TLR1: variants seen among roughly 807,000 people sequenced by gnomAD.
TLR1 encodes toll like receptor 1, also known as toll-like receptor 1.
Under a neutral mutation model 20.2 loss-of-function variants are expected in TLR1, and 19 were observed. The ratio of observed to expected loss-of-function variants is 0.94; its 90% CI spans 0.66 to 1.38. The LOEUF (loss-of-function observed/expected upper bound fraction) is 1.38, where lower values mean the gene tolerates loss of function less well. TLR1 is among the 40% of genes most tolerant of loss of function. The pLI is 0.00. For synonymous variants in TLR1, 320 were observed against 334.5 expected (o/e 0.96, Z 0.47); for missense variants, 921 against 910.0 (o/e 1.01, Z -0.16).
chr4:38,804,809 C>A (rs1017728706), upstream of TLR1: 3 of 147,212 alleles, frequency 2.0e-5, no homozygotes, highest in African/African-American at 7.3e-5. Flanking sequence ...TCAAGCACTT[C>A]CTTGAATTTA....
intron 2 of TLR1, among the ~76,000 whole-genome samples, 180 bp downstream of exon 2, chr4:38,804,126 T>C (rs1726863915): frequency 6.6e-6 from 1 of 152,246 alleles, no homozygotes; most frequent in South Asian, 2.1e-4. Flanking sequence ...TTGTGAACTC[T>C]TGCTTTGTTA....
chr4:38,788,817 G>C (rs920952217), downstream of TLR1, among the ~76,000 whole-genome samples: 2 of 152,092 alleles, frequency 1.3e-5, no homozygotes, highest in Admixed American at 1.3e-4. Flanking sequence ...GGCCAGCCTG[G>C]GCAACATAGC....
rs1487769212 is a variant in TLR1 at position 38,798,813 on chromosome 4, A to C, written c.19T>G (p.Phe7Val). ...AGTATTAACATGAAGATAATGGCAA[A>C]ATGGAAGATGCTAGTCATTTTGGAA... Reference protein sequence around the residue: MTSIFHFAIIFMLILQI... With the variant: MTSIFHVAIIFMLILQI... Residue 7 changes from phenylalanine (F) to valine (V), a missense_variant, in exon 4 of 4, where the codon TTT (phenylalanine) becomes GTT (valine). Coordinates refer to ENST00000308979, the MANE Select transcript of TLR1 (RefSeq NM_003263.4). The C allele has an allele frequency of 1.9e-6, 3 of 1,598,044 alleles. No homozygotes were observed. The highest frequency in any genetic ancestry group is 2.2e-5 in the East Asian group (1 of 44,662).
At chr4:38,805,526 C>G (rs1726958147), upstream of TLR1, 1 of 152,166 alleles carries the variant, frequency 6.6e-6, no homozygotes, top group Non-Finnish European at 1.5e-5. Flanking sequence ...CTTGCCTTTT[C>G]CAGTAATGAC....
chr4:38,800,338 T>A (rs1449643868), intron 3 of TLR1: 1 of 152,200 alleles, frequency 6.6e-6, no homozygotes, highest in Non-Finnish European at 1.5e-5. Flanking sequence ...ATTCCAAAAA[T>A]GATGAGAGGG....
In TLR1 at chr4:38,796,326, A is replaced by T; in HGVS notation, c.*145T>A. ...TTTTAATACCACATATAAATGGTGA[A>T]CTGCGACCCGAAGGTATATATTTTT... On this transcript the variant is annotated 3_prime_UTR_variant, in exon 4 of 4. Transcript: ENST00000308979. 1.2e-6 allele frequency: 1 copy of T among 846,502 alleles called. No homozygotes were observed. The highest frequency in any genetic ancestry group is 1.8e-6 in the Non-Finnish European group (1 of 560,744). 52.4% of individuals were successfully genotyped at this position (846,502 alleles called of 1,614,324 possible).
chr4:38,798,891 T>C lies in TLR1; in HGVS notation c.-60A>G. 8.0e-7 allele frequency: 1 copy of C among 1,244,960 alleles called. No individual in the cohort carries two copies. Among genetic ancestry groups the C allele is most frequent in the Non-Finnish European group, 1.1e-6 (1 of 905,036 alleles). The allele number at this position is 1,244,960 out of a possible 1,614,324, so 77.1% of individuals were successfully genotyped here. ...GTTCTTCAGATCATCTTGATACAGA[T>C]ACAGATTCTAGAAAAAAAATAATGA... is the stretch of plus-strand genomic sequence containing the variant. On this transcript the variant is annotated 5_prime_UTR_variant, in exon 4 of 4. Transcript: ENST00000308979.
intron 2 of TLR1, among the ~76,000 whole-genome samples, chr4:38,802,922 G>A (rs991627588): frequency 1.1e-4 from 16 of 152,112 alleles, no homozygotes; most frequent in Admixed American, 4.6e-4. Flanking sequence ...CCCTGCTGAC[G>A]CTGTACAGGT....
downstream of TLR1, among the ~76,000 whole-genome samples, chr4:38,789,036 A>T (rs1725660255): frequency 6.6e-6 from 1 of 152,202 alleles, no homozygotes; most frequent in Admixed American, 6.5e-5. Flanking sequence ...ATAAAGCTAT[A>T]TTTAAAACAA....
chr4:38,798,939 AT>A, intron 3 of TLR1, 41 bp from the exon 4 acceptor site: 1 of 955,824 alleles, frequency 1.0e-6, no homozygotes, highest in Non-Finnish European at 1.5e-6. Context: ...CATTACATAC[AT>A]TTTTAAAATA....
In TLR1 at chr4:38,797,216, A is replaced by C; in HGVS notation, c.1616T>G (p.Ile539Arg). The change falls in exon 4 of 4, where the codon ATA (isoleucine) becomes AGA (arginine). Residue 539 changes from isoleucine to arginine, a missense_variant. Coordinates refer to ENST00000308979, the MANE Select transcript of TLR1 (RefSeq NM_003263.4). ...TAACACTTCACTTGATACTTGGTCT[A>C]TATTTTTGACAAATTCTCCTAGCTC... The part of the protein sequence containing the change: ...TCELGEFVKN[I>R]DQVSSEVLEG... The C allele has an allele frequency of 6.2e-7, 1 of 1,614,248 alleles. No individual in the cohort carries two copies. The highest frequency in any genetic ancestry group is 8.5e-7 in the Non-Finnish European group (1 of 1,180,038).
chr4:38,796,796 A>C lies in TLR1; in HGVS notation c.2036T>G (p.Ile679Ser). ...HERNFVPGKS[I>S]VENIITCIEK... Reference sequence around the variant, plus strand: ...AATGCAGGTGATGATATTTTCCACAATGCTCTTGCCAGGAACAAAGTTTCT... The same window carrying C: ...AATGCAGGTGATGATATTTTCCACACTGCTCTTGCCAGGAACAAAGTTTCT... Residue 679 changes from isoleucine to serine, a missense_variant, in exon 4 of 4, where the codon ATT becomes AGT. Transcript: ENST00000308979. The C allele has an allele frequency of 6.2e-7, 1 of 1,614,210 alleles. No homozygotes were observed.
At chr4:38,792,690 C>T (rs1725781715), downstream of TLR1, among the ~76,000 whole-genome samples, 1 of 151,886 alleles carries the variant, frequency 6.6e-6, no homozygotes, top group Admixed American at 6.6e-5. Flanking sequence ...AAACACATTC[C>T]CCCATTGTTA....
chr4:38,802,121 C>T (rs1214344114), intron 2 of TLR1, among the ~76,000 whole-genome samples: 1 of 152,150 alleles, frequency 6.6e-6, no homozygotes, highest in Non-Finnish European at 1.5e-5. Context: ...TGCTTGAACC[C>T]AGGAGGCAGA....
chr4:38,800,542 C>T (rs915529351), intron 3 of TLR1: 1 of 152,234 alleles, frequency 6.6e-6, no homozygotes, highest in African/African-American at 2.4e-5. Flanking sequence ...ATTCCAGTGG[C>T]GTATGAGAAC....
chr4:38,793,022 T>C, downstream of TLR1, among the ~76,000 whole-genome samples: 1 of 152,040 alleles, frequency 6.6e-6, no homozygotes, highest in Non-Finnish European at 1.5e-5. Context: ...ACTAGATAAC[T>C]GGTTTTGTGA....
Position 38,798,364 on chromosome 4 carries a change from C to G in TLR1, c.468G>C (p.Val156=). The change falls in exon 4 of 4, where the codon GTG becomes GTC. Residue 156 remains valine, a synonymous_variant. Transcript: ENST00000308979. ...TGATATTCAAATGAGCAATTGGCAG[C>G]ACACTAGATTTTTCTAAGTGTGTGG... ...LSTTHLEKSS[V]LPIAHLNISK... is the part of the protein sequence containing the mutation. 1 of 1,613,922 alleles carries G rather than the reference C, an allele frequency of 6.2e-7. No homozygotes were observed. The highest frequency in any genetic ancestry group is 8.5e-7 in the Non-Finnish European group (1 of 1,179,946).
downstream of TLR1, among the ~76,000 whole-genome samples, chr4:38,793,058 C>T (rs1402313620): frequency 2.0e-5 from 3 of 151,766 alleles, no homozygotes; most frequent in Non-Finnish European, 4.4e-5. Flanking sequence ...CATCTCTAGC[C>T]AATAAAGGGG....
In TLR1 at chr4:38,798,866, G is replaced by C; in HGVS notation, c.-35C>G. 6.9e-7 allele frequency: 1 copy of C among 1,452,658 alleles called. No homozygotes were observed. The highest frequency in any genetic ancestry group is 1.3e-5 in the South Asian group (1 of 74,296). The allele number at this position is 1,452,658 out of a possible 1,614,324, so 90.0% of individuals were successfully genotyped here. On this transcript the variant is annotated 5_prime_UTR_variant, in exon 4 of 4. Coordinates refer to ENST00000308979, the MANE Select transcript of TLR1 (RefSeq NM_003263.4). ...CTAGACATTCCTAAAGGTAGAAGCT[G>C]TTCTTCAGATCATCTTGATACAGAT...
Sources: gnomAD v4.1 joint callset for allele counts (sites outside exome capture counted in the v4.1 genomes callset) on GRCh38, gnomAD v4.1.1 for gene constraint, MANE v1.5 for transcripts, NCBI Gene and HGNC (gene_info 2026-07-23, HGNC 2026-07-21) for gene names.